ABCC4: variants seen among roughly 807,000 people sequenced by gnomAD.
ABCC4 encodes the protein ATP binding cassette subfamily C member 4 (PEL blood group).
A neutral mutation model predicts 168.5 loss-of-function variants in ABCC4; 102 were observed. That is an observed-to-expected ratio of 0.61 (90% CI 0.52 to 0.71). The LOEUF (loss-of-function observed/expected upper bound fraction) is 0.71, where lower values mean the gene tolerates loss of function less well. ABCC4 is among the 30% of genes least tolerant of loss of function. The pLI, the probability that ABCC4 is intolerant of heterozygous loss-of-function variation, is 0.00. For missense variants in ABCC4, 1,402 were observed against 1,605.8 expected (o/e 0.87, Z 2.17); for synonymous variants, 617 against 590.7 (o/e 1.04, Z -0.65).
At chr13:95,074,659 T>C (rs1472679771) in intron 22 of ABCC4, among the ~76,000 whole-genome samples, 1 of 152,160 alleles carries the variant, frequency 6.6e-6, no homozygotes, top group African/African-American at 2.4e-5. Flanking sequence ...CCCACACACA[T>C]GGTTGACTGG....
chr13:95,238,866 T>A (rs182052946), intron 3 of ABCC4, among the ~76,000 whole-genome samples: 31 of 152,286 alleles, frequency 2.0e-4, no homozygotes, highest in Middle Eastern at 3.4e-3. Context: ...CTGAAGAACT[T>A]TTAAGACCAC....
intron 8 of ABCC4, among the ~76,000 whole-genome samples, chr13:95,196,582 GAGGAAGGAAGGAAGGA>G (rs1566515189): frequency 2.3e-5 from 2 of 88,010 alleles, no homozygotes; most frequent in African/African-American, 7.9e-5. Flanking sequence ...AGGAGGAAAG[GAGGAAGGAAGGAAGGA>G]AGGAAGGAAG....
At chr13:95,040,488 G>A (rs1355330741) in intron 29 of ABCC4, among the ~76,000 whole-genome samples, 1 of 151,964 alleles carries the variant, frequency 6.6e-6, no homozygotes, top group East Asian at 1.9e-4. Context: ...TGCCCTTCTC[G>A]GCCTCCCAAA....
chr13:95,107,943 A>AAAAG (rs1346576638), intron 20 of ABCC4, among the ~76,000 whole-genome samples: 1 of 152,180 alleles, frequency 6.6e-6, no homozygotes, highest in Non-Finnish European at 1.5e-5. Context: ...CATCTCAAAA[A>AAAAG]AAAGAAAGAA....
chr13:95,220,141 T>C (rs1474120527), intron 4 of ABCC4, among the ~76,000 whole-genome samples: 3 of 151,902 alleles, frequency 2.0e-5, no homozygotes, highest in South Asian at 2.1e-4. Context: ...ACTGGGATTA[T>C]AGGTGTGAAC....
intron 19 of ABCC4, among the ~76,000 whole-genome samples, chr13:95,148,591 AACACACACACACACAC>A (rs55998383): frequency 1.6e-4 from 21 of 129,788 alleles, no homozygotes; most frequent in South Asian, 5.7e-4. Flanking sequence ...TACCCATCAC[AACACACACACACACAC>A]ACACACACAC....
intron 1 of ABCC4, among the ~76,000 whole-genome samples, chr13:95,277,101 C>T (rs1468463910): frequency 2.0e-5 from 3 of 152,018 alleles, no homozygotes; most frequent in African/African-American, 4.8e-5. Flanking sequence ...ATCTCAACAA[C>T]AGGACTATAG....
At chr13:95,213,017 C>T (rs576440456) in intron 4 of ABCC4, among the ~76,000 whole-genome samples, 31 of 152,058 alleles carry the variant, frequency 2.0e-4, no homozygotes, top group African/African-American at 7.2e-4. Context: ...ATCCCAGCTA[C>T]TCAGGAGGCT....
At chr13:95,149,767 A>C (rs2036613934) in intron 19 of ABCC4, among the ~76,000 whole-genome samples, 1 of 152,184 alleles carries the variant, frequency 6.6e-6, no homozygotes. Flanking sequence ...TGCGGAACAC[A>C]GAAAGAACTG....
At chr13:95,205,443 AC>A (rs1476652397) in intron 8 of ABCC4, among the ~76,000 whole-genome samples, 3 of 152,246 alleles carry the variant, frequency 2.0e-5, no homozygotes, top group African/African-American at 7.2e-5. Context: ...CAGGAATAAA[AC>A]AAAGCAGATT....
At chr13:95,103,450 A>G (rs1276445913) in intron 20 of ABCC4, among the ~76,000 whole-genome samples, 1 of 152,206 alleles carries the variant, frequency 6.6e-6, no homozygotes, top group African/African-American at 2.4e-5. Context: ...GCAAGCAACT[A>G]TAATTTGACA....
intron 1 of ABCC4, among the ~76,000 whole-genome samples, chr13:95,289,143 G>T (rs1409680871): frequency 6.6e-6 from 1 of 152,186 alleles, no homozygotes; most frequent in Non-Finnish European, 1.5e-5. Flanking sequence ...AATAGCAGAA[G>T]TTAAAAGAAG....
rs139348584 is a variant in ABCC4 at position 95,266,597 on chromosome 13, C to T, written c.75-18844G>A. Among the ~76,000 whole-genome samples the T allele has an allele frequency of 2.8e-3, 425 of 152,238 alleles. 2 individuals are homozygous for T. Among genetic ancestry groups the T allele is most frequent in the African/African-American group, 9.8e-3 (407 of 41,540 alleles). The stretch of plus-strand genomic sequence containing the variant: ...GCAGACATGTAGCTGTCCTGGGGCA[C>T]GCAGTTTGCATGTGACAGGGCTGAG... On this transcript the variant is annotated intron_variant, in intron 1 of 30. Transcript: ENST00000645237.
chr13:95,224,947 G>A (rs923496340), intron 4 of ABCC4, among the ~76,000 whole-genome samples: 2 of 152,090 alleles, frequency 1.3e-5, no homozygotes, highest in Admixed American at 6.6e-5. Flanking sequence ...CGGTGAAGAT[G>A]AGGGGATATT....
intron 21 of ABCC4, among the ~76,000 whole-genome samples, chr13:95,078,187 G>A (rs1566397950): frequency 1.3e-5 from 2 of 152,176 alleles, no homozygotes; most frequent in African/African-American, 2.4e-5. Context: ...CAGGCAGAGA[G>A]CCTCCCACGA....
chr13:95,257,311 G>T (rs186808042), intron 1 of ABCC4, among the ~76,000 whole-genome samples: 1 of 152,304 alleles, frequency 6.6e-6, no homozygotes, highest in Non-Finnish European at 1.5e-5. Flanking sequence ...ACATTGAATA[G>T]GCTGAAGAGG....
chr13:95,182,287 G>A (rs1251903232), intron 11 of ABCC4, among the ~76,000 whole-genome samples: 3 of 152,214 alleles, frequency 2.0e-5, no homozygotes, highest in African/African-American at 7.2e-5. Context: ...AAAGGGGTTT[G>A]TAGAGTCAAG....
intron 21 of ABCC4, among the ~76,000 whole-genome samples, chr13:95,076,241 T>C (rs2033898243): frequency 6.6e-6 from 1 of 152,230 alleles, no homozygotes; most frequent in Non-Finnish European, 1.5e-5. Context: ...CTGAATGGTC[T>C]TAACATTGGC....
intron 1 of ABCC4, among the ~76,000 whole-genome samples, chr13:95,282,020 T>C (rs2041137208): frequency 6.6e-6 from 1 of 152,026 alleles, no homozygotes; most frequent in African/African-American, 2.4e-5. Flanking sequence ...GGCAGGAGAA[T>C]TGCTTGAACC....
Sources: gnomAD v4.1 joint callset for allele counts (sites outside exome capture counted in the v4.1 genomes callset) on GRCh38, gnomAD v4.1.1 for gene constraint, MANE v1.5 for transcripts, NCBI Gene and HGNC (gene_info 2026-07-23, HGNC 2026-07-21) for gene names.